RAD51B: variants seen among roughly 807,000 people sequenced by gnomAD.
RAD51B encodes DNA repair protein RAD51 homolog 2.
In RAD51B, 38 loss-of-function variants were observed where a neutral mutation model predicts 42.2. The observed-to-expected ratio is 0.90, with a 90% CI of 0.70 to 1.18. The LOEUF is 1.18. RAD51B is among the 50% of genes most tolerant of loss of function. The pLI is 0.00. For synonymous variants in RAD51B, 154 were observed against 145.2 expected, an observed-to-expected ratio of 1.06 and a Z score of -0.43; for missense variants, 373 against 400.7, an observed-to-expected ratio of 0.93 and a Z score of 0.59.
intron 7 of RAD51B, among the ~76,000 whole-genome samples, chr14:67,950,827 C>T (rs568200361): frequency 1.3e-5 from 2 of 151,946 alleles, no homozygotes; most frequent in South Asian, 2.1e-4. Context: ...TTTTGTCTAA[C>T]GTGATTCAGA....
intron 7 of RAD51B, among the ~76,000 whole-genome samples, chr14:67,932,298 CTG>C (rs2044767981): frequency 6.6e-6 from 1 of 152,188 alleles, no homozygotes; most frequent in South Asian, 2.1e-4. Context: ...TGTGTAGTCT[CTG>C]TATTATTTCT....
intron 7 of RAD51B, among the ~76,000 whole-genome samples, chr14:68,260,314 T>TGGGGGGG (rs1422947040): frequency 7.9e-6 from 1 of 126,486 alleles, no homozygotes; most frequent in African/African-American, 5.2e-5. Context: ...TGTGTGTGTG[T>TGGGGGGG]GTGTGGAGAG....
chr14:68,447,782 T>C (rs2085456547), intron 9 of RAD51B, among the ~76,000 whole-genome samples: 3 of 152,178 alleles, frequency 2.0e-5, no homozygotes, highest in African/African-American at 7.2e-5. Context: ...CTTGATGTCA[T>C]TGCTTCCACG....
intron 7 of RAD51B, among the ~76,000 whole-genome samples, chr14:68,106,560 G>GT (rs2077380371): frequency 6.6e-6 from 1 of 151,904 alleles, no homozygotes; most frequent in African/African-American, 2.4e-5. Context: ...CATTGGAGTT[G>GT]TTAAAGTTCT....
At chr14:68,138,563 G>T (rs1206887164) in intron 7 of RAD51B, among the ~76,000 whole-genome samples, 2 of 151,972 alleles carry the variant, frequency 1.3e-5, no homozygotes, top group African/African-American at 4.8e-5. Flanking sequence ...GTCTTTCTCT[G>T]TATCTGTCTC....
intron 7 of RAD51B, among the ~76,000 whole-genome samples, chr14:67,946,757 C>T (rs539435625): frequency 2.7e-5 from 4 of 150,822 alleles, no homozygotes; most frequent in Non-Finnish European, 4.4e-5. Context: ...AAACAAAACA[C>T]ACAGGTTTAA....
At chr14:68,198,858 C>T (rs1187612552) in intron 7 of RAD51B, among the ~76,000 whole-genome samples, 1 of 152,210 alleles carries the variant, frequency 6.6e-6, no homozygotes, top group Non-Finnish European at 1.5e-5. Flanking sequence ...AGACTTTGAA[C>T]TCTTCCAATG....
At chr14:68,176,634 A>G (rs2078967101) in intron 7 of RAD51B, among the ~76,000 whole-genome samples, 1 of 152,202 alleles carries the variant, frequency 6.6e-6, no homozygotes, top group Non-Finnish European at 1.5e-5. Flanking sequence ...TGGTCTCCAG[A>G]GTTGATGAAC....
chr14:68,413,244 C>G (rs541167399), intron 9 of RAD51B, among the ~76,000 whole-genome samples: 88 of 152,214 alleles, frequency 5.8e-4, no homozygotes, highest in African/African-American at 2.1e-3. Context: ...TTTTATGTCT[C>G]TTTGGTGACT....
chr14:68,574,751 T>C (rs549430469), intron 10 of RAD51B, among the ~76,000 whole-genome samples: 1 of 152,184 alleles, frequency 6.6e-6, no homozygotes, highest in Non-Finnish European at 1.5e-5. Context: ...CAACAGAAAA[T>C]AGTTTATTTT....
At chr14:67,889,752 G>T (rs994317088) in intron 7 of RAD51B, among the ~76,000 whole-genome samples, 54 of 151,978 alleles carry the variant, frequency 3.6e-4, no homozygotes, top group African/African-American at 1.2e-3. Context: ...TCACTTGATT[G>T]AAAACAGATG....
At chr14:68,520,104 A>C (rs997277453) in intron 10 of RAD51B, among the ~76,000 whole-genome samples, 3 of 151,826 alleles carry the variant, frequency 2.0e-5, no homozygotes, top group Middle Eastern at 3.4e-3. Context: ...CAGCCAAAAC[A>C]AAACAAACAA....
chr14:68,151,847 TTTTTTTTTTTTTTG>T (rs2078393310), intron 7 of RAD51B, among the ~76,000 whole-genome samples: 6 of 110,522 alleles, frequency 5.4e-5, no homozygotes, highest in African/African-American at 2.2e-4. Context: ...TTTTTTTTTT[TTTTTTTTTTTTTTG>T]AGATGGAGTT....
At chr14:68,668,404 C>T (rs538969407) in intron 11 of RAD51B, among the ~76,000 whole-genome samples, 45 of 152,324 alleles carry the variant, frequency 3.0e-4, no homozygotes, top group South Asian at 1.2e-3. Flanking sequence ...TCGAAAACCA[C>T]GCATTCCACT....
At chr14:67,956,024 G>A (rs1315267234) in intron 7 of RAD51B, among the ~76,000 whole-genome samples, 1 of 152,098 alleles carries the variant, frequency 6.6e-6, no homozygotes, top group Non-Finnish European at 1.5e-5. Context: ...TGACACTGTG[G>A]TGGATACTCA....
intron 7 of RAD51B, among the ~76,000 whole-genome samples, chr14:67,995,565 C>A (rs529777445): frequency 6.6e-6 from 1 of 152,010 alleles, no homozygotes; most frequent in Admixed American, 6.6e-5. Context: ...TGCTTTTTTC[C>A]CCCCTCTGAA....
intron 5 of RAD51B, among the ~76,000 whole-genome samples, chr14:67,868,253 C>T (rs982684629): frequency 1.2e-4 from 19 of 152,108 alleles, no homozygotes; most frequent in Middle Eastern, 3.2e-3. Context: ...CGAAGCAGGG[C>T]GAGGCATTGC....
intron 7 of RAD51B, among the ~76,000 whole-genome samples, chr14:68,228,767 G>A (rs534785963): frequency 6.6e-5 from 10 of 152,294 alleles, no homozygotes; most frequent in South Asian, 6.2e-4. Flanking sequence ...GCATTGACCC[G>A]CTGTGTGACT....
intron 8 of RAD51B, among the ~76,000 whole-genome samples, chr14:68,383,530 C>T (rs1008346094): frequency 2.0e-5 from 3 of 152,164 alleles, no homozygotes; most frequent in African/African-American, 4.8e-5. Context: ...TTACCAGTTT[C>T]ACTCCTTCAG....
Sources: allele counts gnomAD v4.1 joint callset (sites outside exome capture counted in the v4.1 genomes callset), GRCh38; gene constraint gnomAD v4.1.1; transcripts MANE v1.5; gene names NCBI Gene and HGNC (gene_info 2026-07-23, HGNC 2026-07-21).